Variants in ANKS1A observed in about 807,000 individuals in gnomAD.
ANKS1A encodes ankyrin repeat and SAM domain-containing protein 1A.
ANKS1A carries 55 observed loss-of-function variants against 120.3 expected under a neutral mutation model. The ratio of observed to expected loss-of-function variants is 0.46; its 90% CI spans 0.37 to 0.57. The LOEUF (loss-of-function observed/expected upper bound fraction) is 0.57. Among genes scored for constraint, ANKS1A ranks in the 20% least tolerant of loss-of-function variants. The pLI is 0.00. For missense variants in ANKS1A, 1,123 were observed against 1,480.3 expected (o/e 0.76, Z 3.96); for synonymous variants, 590 against 604.7 (o/e 0.98, Z 0.36).
At chr6:35,078,087 G>A (rs1437056841) in intron 13 of ANKS1A, among the ~76,000 whole-genome samples, 1 of 152,200 alleles carries the variant, frequency 6.6e-6, no homozygotes. Context: ...CCCCCTTGGA[G>A]GCTTCTCTCC....
In ANKS1A at chr6:35,017,929, A is replaced by T; in HGVS notation, c.1880A>T (p.Asp627Val). The T allele has an allele frequency of 6.2e-7, 1 of 1,614,108 alleles. No individual in the cohort carries two copies. The part of the protein sequence containing the change: ...LKLSRSLSKS[D>V]SDLLTCSPTE... ...CTCAGCCGCAGCTTGTCCAAGTCTG[A>T]CTCTGATCTCCTGACCTGCTCACCC... is the stretch of plus-strand genomic sequence containing the variant. Residue 627 changes from aspartate (D) to valine (V), a missense_variant, in exon 11 of 24, where the codon GAC (aspartate) becomes GTC (valine). By Grantham distance (152) the Asp-to-Val change is radical. Around this residue, in one of 3 missense-constraint regions of ANKS1A, gnomAD observed 904 missense variants for 1,130.4 expected, o/e 0.80. Transcript: ENST00000360359.
chr6:34,952,465 C>A (rs1770134096), intron 1 of ANKS1A, among the ~76,000 whole-genome samples: 1 of 152,196 alleles, frequency 6.6e-6, no homozygotes, highest in Admixed American at 6.5e-5. Flanking sequence ...AGGCAACTTT[C>A]CTTCCTACCA....
At chr6:35,097,960 G>T in the ANKS1A span, among the ~76,000 whole-genome samples, 1 of 152,158 alleles carries the variant, frequency 6.6e-6, no homozygotes, top group Non-Finnish European at 1.5e-5. Flanking sequence ...ATGTGAACAG[G>T]TCCCATTTTG....
At chr6:35,043,386 A>G (rs866339350) in intron 11 of ANKS1A, among the ~76,000 whole-genome samples, 2 of 152,356 alleles carry the variant, frequency 1.3e-5, no homozygotes, top group Admixed American at 6.5e-5. Context: ...GGAAGAAAGA[A>G]GGGCTGAAAA....
Position 34,994,410 on chromosome 6 carries a change from G to A in ANKS1A, c.1411G>A (p.Gly471Arg). 1.9e-6 allele frequency: 3 copies of A among 1,612,322 alleles called. No homozygotes were observed. In the South Asian group the frequency reaches 3.3e-5, roughly 18 times the overall value. The change falls in exon 10 of 24, where the codon GGA becomes AGA. Residue 471 changes from glycine to arginine, a missense_variant. By Grantham distance (125) the Gly-to-Arg change is moderately radical. Transcript: ENST00000360359. ...AETKKVVLVD[G>R]KTKDHRRSSS... is the part of the protein sequence containing the mutation. Reference sequence around the variant, plus strand: ...GACAAAGAAAGTGGTGTTGGTGGATGGAAAAACAAAAGGTACGTTCCCCAC... The same window carrying A: ...GACAAAGAAAGTGGTGTTGGTGGATAGAAAAACAAAAGGTACGTTCCCCAC...
At chr6:34,974,420 T>G (rs1561883018) in intron 3 of ANKS1A, among the ~76,000 whole-genome samples, 1 of 144,206 alleles carries the variant, frequency 6.9e-6, no homozygotes, top group African/African-American at 2.6e-5. Context: ...TCCCCTTCCC[T>G]TCCCCTTTCC....
At position 34,989,281 on chromosome 6, in the gene ANKS1A, A is replaced by G; in HGVS notation, c.1267A>G (p.Ile423Val). The change falls in exon 9 of 24, where the codon ATA becomes GTA. Residue 423 changes from isoleucine to valine, a missense_variant. Ile to Val is a conservative substitution (Grantham distance 29, BLOSUM62 3). Coordinates refer to ENST00000360359, the MANE Select transcript of ANKS1A (RefSeq NM_015245.3). Reference protein sequence around the residue: ...PPPDEEEEDHIDKKYFPLTAS... With the variant: ...PPPDEEEEDHVDKKYFPLTAS... ...GCCCGATGAAGAGGAAGAAGACCAC[A>G]TAGATAAGAAGTATTTTCCCTTGAC... The G allele has an allele frequency of 6.2e-7, 1 of 1,614,108 alleles. No individual in the cohort carries two copies. The highest frequency in any genetic ancestry group is 8.5e-7 in the Non-Finnish European group (1 of 1,179,952).
chr6:34,927,330 A>G (rs1768765811), intron 1 of ANKS1A, among the ~76,000 whole-genome samples: 1 of 152,090 alleles, frequency 6.6e-6, no homozygotes, highest in Non-Finnish European at 1.5e-5. Flanking sequence ...CGCAGAAGAA[A>G]TTGTTATGTC....
At position 34,982,024 on chromosome 6, in the gene ANKS1A, A is replaced by G. The variant is rs1771930704; in HGVS notation, c.732+38A>G. Reference sequence around the variant, plus strand: ...GTGGGGGCTCCTCCAATCTCAAGAGACTCAGTCATTTTGCAGAAGGCACAA... The same window carrying G: ...GTGGGGGCTCCTCCAATCTCAAGAGGCTCAGTCATTTTGCAGAAGGCACAA... On this transcript the variant is annotated intron_variant, in intron 4 of 23. Coordinates refer to ENST00000360359, the MANE Select transcript of ANKS1A (RefSeq NM_015245.3). This position sits in a 1 kb window ranked among gnomAD's most constrained non-coding sequence, Gnocchi z 4.9. 2.5e-6 allele frequency: 4 copies of G among 1,602,982 alleles called. No individual in the cohort carries two copies. In the South Asian group the frequency reaches 3.3e-5, roughly 13 times the overall value.
At chr6:35,017,370 C>T in intron 10 of ANKS1A, 103 bp from the exon 11 acceptor site, 1 of 1,230,790 alleles carries the variant, frequency 8.1e-7, no homozygotes, top group Non-Finnish European at 1.1e-6. Flanking sequence ...CTCTCTGTTT[C>T]TCTGTGAATT....
chr6:34,979,149 C>G (rs1396791138), intron 3 of ANKS1A, among the ~76,000 whole-genome samples: 1 of 152,118 alleles, frequency 6.6e-6, no homozygotes, highest in Admixed American at 6.5e-5. Flanking sequence ...CCTGCCTCAG[C>G]CTTCCAAAGT....
chr6:34,900,247 A>G (rs1767282374), intron 1 of ANKS1A, among the ~76,000 whole-genome samples: 1 of 152,232 alleles, frequency 6.6e-6, no homozygotes, highest in Non-Finnish European at 1.5e-5. Flanking sequence ...TTGCTTATAA[A>G]GCACTGCATT....
At chr6:35,095,346 G>A (rs1437856089), downstream of ANKS1A, among the ~76,000 whole-genome samples, 2 of 151,964 alleles carry the variant, frequency 1.3e-5, no homozygotes, top group Non-Finnish European at 2.9e-5. Flanking sequence ...GCTGAGACAG[G>A]TGGATCACGT....
chr6:35,079,241 G>A (rs146178454), intron 14 of ANKS1A, among the ~76,000 whole-genome samples: 30 of 152,120 alleles, frequency 2.0e-4, no homozygotes, highest in African/African-American at 5.3e-4. Flanking sequence ...GGGCGGAGGC[G>A]TTCTGCAGAC....
At chr6:34,983,053 C>G in intron 5 of ANKS1A, 60 bp from the exon 6 acceptor site, 3 of 1,524,344 alleles carry the variant, frequency 2.0e-6, no homozygotes, top group Admixed American at 1.7e-5. Context: ...AAAATTTGAC[C>G]CTTTTGGAGG....
In ANKS1A at chr6:35,082,570, T is replaced by C; in HGVS notation, c.2710-121T>C. 1 of 1,322,272 alleles carries C rather than the reference T, an allele frequency of 7.6e-7. No homozygotes were observed. The highest frequency in any genetic ancestry group is 2.5e-5 in the East Asian group (1 of 39,438). The allele number at this position is 1,322,272 out of a possible 1,614,324, so 81.9% of individuals were successfully genotyped here. ...CTGGTCTGCCCCCTGCCATCTCCAC[T>C]CGACCCTTGAACTTGCTAAGGTCAC... On this transcript the variant is annotated intron_variant, in intron 17 of 23. Transcript: ENST00000360359. This position sits in a 1 kb window ranked among gnomAD's most constrained non-coding sequence, Gnocchi z 4.1.
chr6:34,958,973 C>T (rs747023443), intron 1 of ANKS1A, among the ~76,000 whole-genome samples: 2 of 152,326 alleles, frequency 1.3e-5, no homozygotes, highest in African/African-American at 2.4e-5. Flanking sequence ...GACTGTCCAG[C>T]GCTGTGGCAT....
At chr6:35,008,496 A>C (rs1402234899) in intron 10 of ANKS1A, among the ~76,000 whole-genome samples, 1 of 152,238 alleles carries the variant, frequency 6.6e-6, no homozygotes, top group Non-Finnish European at 1.5e-5. Flanking sequence ...GGCACAAGCC[A>C]CTGCACTGGA....
chr6:34,996,305 T>A (rs189131456), intron 10 of ANKS1A, among the ~76,000 whole-genome samples: 1 of 152,356 alleles, frequency 6.6e-6, no homozygotes, highest in Non-Finnish European at 1.5e-5. Context: ...ATTATTGAGT[T>A]GTGAATTCTT....
Sources: gnomAD v4.1 joint callset for allele counts (sites outside exome capture counted in the v4.1 genomes callset) on GRCh38, gnomAD v4.1.1 for gene constraint, gnomAD v4.1.1 regional missense constraint, Gnocchi (gnomAD v3.1) non-coding constraint, MANE v1.5 for transcripts, NCBI Gene and HGNC (gene_info 2026-07-23, HGNC 2026-07-21) for gene names.